Variants in ARB2A observed in about 807,000 individuals in gnomAD.
ARB2A encodes the protein ARB2 cotranscriptional regulator A.
At chr5:93,886,092 C>A in the ARB2A span, among the ~76,000 whole-genome samples, 2 of 151,690 alleles carry the variant, frequency 1.3e-5, no homozygotes, top group Non-Finnish European at 3.0e-5. Flanking sequence ...CAAAACCAGA[C>A]TTCTGACCCC....
At chr5:93,793,657 T>C in the ARB2A span, among the ~76,000 whole-genome samples, 1 of 152,128 alleles carries the variant, frequency 6.6e-6, no homozygotes, top group Non-Finnish European at 1.5e-5. Flanking sequence ...GCTAGAGTAA[T>C]GTCTGGTTTC....
chr5:93,979,160 A>C, the ARB2A span, among the ~76,000 whole-genome samples: 1 of 152,136 alleles, frequency 6.6e-6, no homozygotes, highest in African/African-American at 2.4e-5. Flanking sequence ...GGAAATAAAA[A>C]CTTACAGCTT....
chr5:93,857,369 C>G, the ARB2A span, among the ~76,000 whole-genome samples: 1 of 152,198 alleles, frequency 6.6e-6, no homozygotes, highest in Non-Finnish European at 1.5e-5. Flanking sequence ...TTTTGTTTGT[C>G]TGTGCCCTGC....
At chr5:94,010,550 A>G in the ARB2A span, among the ~76,000 whole-genome samples, 1 of 152,126 alleles carries the variant, frequency 6.6e-6, no homozygotes, top group Non-Finnish European at 1.5e-5. Flanking sequence ...CTTTCCCAAG[A>G]TCTTCAGGAA....
chr5:93,898,696 A>C, the ARB2A span, among the ~76,000 whole-genome samples: 1 of 152,124 alleles, frequency 6.6e-6, no homozygotes. Flanking sequence ...AACAACATAC[A>C]TACACAAAAA....
chr5:93,933,567 C>A, the ARB2A span, among the ~76,000 whole-genome samples: 1 of 152,130 alleles, frequency 6.6e-6, no homozygotes, highest in East Asian at 1.9e-4. Context: ...AAACCAAACA[C>A]CGCATGTTCT....
the ARB2A span, among the ~76,000 whole-genome samples, chr5:93,688,324 G>A: frequency 2.0e-5 from 3 of 152,136 alleles, no homozygotes; most frequent in Non-Finnish European, 4.4e-5. Flanking sequence ...CATTAGGCTC[G>A]TGCTCCTTCT....
the ARB2A span, among the ~76,000 whole-genome samples, chr5:93,765,139 C>A: frequency 6.6e-6 from 1 of 152,172 alleles, no homozygotes; most frequent in Non-Finnish European, 1.5e-5. Flanking sequence ...TGGCGTAAGA[C>A]AGGGATGCCC....
chr5:93,798,700 A>ACCTCTAGT, the ARB2A span, among the ~76,000 whole-genome samples: 1 of 152,104 alleles, frequency 6.6e-6, no homozygotes, highest in Admixed American at 6.6e-5. Flanking sequence ...CTTAGGTGTC[A>ACCTCTAGT]CCTCTAGTGT....
chr5:93,783,549 A>T, the ARB2A span, among the ~76,000 whole-genome samples: 2 of 152,178 alleles, frequency 1.3e-5, no homozygotes, highest in Admixed American at 6.5e-5. Flanking sequence ...GCCACTAGGT[A>T]TTCTATTAAG....
chr5:93,743,243 T>C, the ARB2A span: 5 of 152,238 alleles, frequency 3.3e-5, no homozygotes, highest in Non-Finnish European at 5.9e-5. Context: ...GTGTCATCTG[T>C]ATCTCTACTG....
the ARB2A span, chr5:94,053,072 T>TAG: frequency 1.6e-6 from 1 of 632,994 alleles, no homozygotes; most frequent in South Asian, 2.7e-5. Context: ...TTGCATATAC[T>TAG]ATAGATAGAT....
At chr5:93,658,018 G>C in the ARB2A span, among the ~76,000 whole-genome samples, 1 of 151,880 alleles carries the variant, frequency 6.6e-6, no homozygotes, top group African/African-American at 2.4e-5. Context: ...ATCTATATTA[G>C]ACAAGTACAA....
chr5:94,058,392 TGAA>T, the ARB2A span, among the ~76,000 whole-genome samples: 219 of 151,602 alleles, frequency 1.4e-3, 1 homozygote, highest in African/African-American at 5.0e-3. Context: ...TCCATAAACA[TGAA>T]GAAAATCAAT....
At chr5:93,940,952 T>C in the ARB2A span, among the ~76,000 whole-genome samples, 3 of 152,124 alleles carry the variant, frequency 2.0e-5, no homozygotes, top group Non-Finnish European at 4.4e-5. Context: ...TTTAAAATAA[T>C]GTTTAATATA....
the ARB2A span, among the ~76,000 whole-genome samples, chr5:93,732,403 C>A: frequency 1.3e-5 from 2 of 152,056 alleles, no homozygotes; most frequent in Non-Finnish European, 2.9e-5. Flanking sequence ...GAAAAGTGAA[C>A]ATTCAGAAAC....
At chr5:93,648,251 T>C in the ARB2A span, among the ~76,000 whole-genome samples, 2 of 152,128 alleles carry the variant, frequency 1.3e-5, no homozygotes, top group South Asian at 4.1e-4. Flanking sequence ...TTTATTTTAT[T>C]TCAATCTGAA....
At chr5:93,639,445 C>CT in the ARB2A span, among the ~76,000 whole-genome samples, 2,339 of 143,646 alleles carry the variant, frequency 0.016, 25 homozygotes, top group Non-Finnish European at 0.025. Flanking sequence ...CTCTGAATGT[C>CT]TTTTTTTTTT....
chr5:93,764,566 C>CA, the ARB2A span, among the ~76,000 whole-genome samples: 1 of 152,056 alleles, frequency 6.6e-6, no homozygotes, highest in South Asian at 2.1e-4. Context: ...GCCTACCAAC[C>CA]AAAAAAAGTC....
Sources: gnomAD v4.1 joint callset for allele counts (sites outside exome capture counted in the v4.1 genomes callset) on GRCh38, gnomAD v4.1.1 for gene constraint, MANE v1.5 for transcripts, NCBI Gene and HGNC (gene_info 2026-07-23, HGNC 2026-07-21) for gene names.